SCOC: variants seen among roughly 807,000 people sequenced by gnomAD.
SCOC encodes short coiled coil protein.
SCOC carries 7 observed loss-of-function variants against 9.9 expected under a neutral mutation model. The observed-to-expected ratio is 0.71, with a 90% CI of 0.40 to 1.33. The LOEUF (loss-of-function observed/expected upper bound fraction) is 1.33. Among genes scored for constraint, SCOC ranks in the 40% most tolerant of loss-of-function variants. SCOC has a pLI of 0.01. For missense variants in SCOC, 66 were observed against 89.7 expected (o/e 0.74, Z 1.07); for synonymous variants, 19 against 28.2 (o/e 0.67, Z 1.03).
intron 3 of SCOC, among the ~76,000 whole-genome samples, chr4:140,380,323 G>A (rs184289174): frequency 1.4e-3 from 207 of 148,070 alleles, no homozygotes; most frequent in African/African-American, 4.8e-3. Context: ...TCAGCCTCCC[G>A]AGTAGCTGGG....
intron 2 of SCOC, among the ~76,000 whole-genome samples, chr4:140,368,488 A>C (rs972805349): frequency 6.6e-6 from 1 of 152,212 alleles, no homozygotes; most frequent in Non-Finnish European, 1.5e-5. Context: ...ATCTAGAGAA[A>C]AATAAGGACT....
chr4:140,268,532 T>C (rs182031540), intron 1 of SCOC, among the ~76,000 whole-genome samples: 1 of 152,344 alleles, frequency 6.6e-6, no homozygotes, highest in Admixed American at 6.5e-5. Context: ...ACGAGCTGCA[T>C]GTTTAAATGA....
At chr4:140,337,345 T>C (rs1732986276) in intron 1 of SCOC, among the ~76,000 whole-genome samples, 1 of 152,128 alleles carries the variant, frequency 6.6e-6, no homozygotes, top group Non-Finnish European at 1.5e-5. Flanking sequence ...CATAAGGAAC[T>C]GCAAGGGACT....
rs901646676 is a variant in SCOC, at chr4:140,355,226, T to G, written c.70+11518T>G. 1.9e-4 allele frequency among the ~76,000 whole-genome samples: 23 copies of G among 122,120 alleles called. 1 individual carries two copies. Among genetic ancestry groups the G allele is most frequent in the Admixed American group, 1.4e-3 (18 of 12,458 alleles). 80.1% of individuals were successfully genotyped at this position (122,120 alleles called of 152,430 possible). Reference sequence around the variant, plus strand: ...CATTATATTTTTATATATATATATATATATATATATATATATATATATAAT... The same window carrying G: ...CATTATATTTTTATATATATATATAGATATATATATATATATATATATAAT... On this transcript the variant is annotated intron_variant, in intron 2 of 4. Coordinates refer to the SCOC transcript ENST00000338517.
intron 1 of SCOC, among the ~76,000 whole-genome samples, chr4:140,258,844 T>C (rs1730568042): frequency 6.6e-6 from 1 of 152,242 alleles, no homozygotes; most frequent in Non-Finnish European, 1.5e-5. Flanking sequence ...CTTATCATGG[T>C]TCTCCCACCA....
intron 2 of SCOC, chr4:140,366,256 G>A (rs1413259538): frequency 1.5e-6 from 2 of 1,306,956 alleles, no homozygotes; most frequent in Non-Finnish European, 2.0e-6. Context: ...AACGCTTTTG[G>A]AGCAGGTGCT....
chr4:140,298,636 T>G (rs1320840404), intron 1 of SCOC, among the ~76,000 whole-genome samples: 3 of 152,204 alleles, frequency 2.0e-5, no homozygotes, highest in African/African-American at 7.2e-5. Flanking sequence ...CTGAGTTCTT[T>G]CTTCCAGCTC....
intron 1 of SCOC, among the ~76,000 whole-genome samples, chr4:140,265,266 G>T (rs1730708912): frequency 1.3e-5 from 2 of 152,180 alleles, no homozygotes; most frequent in Non-Finnish European, 2.9e-5. Flanking sequence ...GTCGGTCCCT[G>T]AGTCAAGGAA....
chr4:140,335,605 G>A (rs1297381558), intron 1 of SCOC, among the ~76,000 whole-genome samples: 1 of 152,158 alleles, frequency 6.6e-6, no homozygotes, highest in African/African-American at 2.4e-5. Flanking sequence ...CTTTAGAGAT[G>A]CCAGTTTCTC....
chr4:140,327,884 T>C (rs933973720), intron 1 of SCOC, among the ~76,000 whole-genome samples: 6 of 152,174 alleles, frequency 3.9e-5, no homozygotes, highest in African/African-American at 1.4e-4. Flanking sequence ...GGCATGTTTT[T>C]TTTTTCTGTA....
intron 1 of SCOC, chr4:140,283,801 G>T (rs1181306245): frequency 2.0e-5 from 3 of 152,152 alleles, no homozygotes; most frequent in African/African-American, 7.2e-5. Context: ...AAGATTAAAT[G>T]CTGATAAAAA....
At chr4:140,362,275 T>TTAC in intron 2 of SCOC, among the ~76,000 whole-genome samples, 1 of 10,704 alleles carries the variant, frequency 9.3e-5, no homozygotes, top group African/African-American at 2.9e-4. Context: ...AGGTGTGTCC[T>TTAC]TACTTCTTCT....
intron 1 of SCOC, among the ~76,000 whole-genome samples, chr4:140,301,176 A>T (rs909818860): frequency 6.6e-6 from 1 of 152,064 alleles, no homozygotes; most frequent in African/African-American, 2.4e-5. Flanking sequence ...AAGTCCTAGG[A>T]TGGCAGGATG....
chr4:140,332,925 T>C (rs1304783552), intron 1 of SCOC, among the ~76,000 whole-genome samples: 1 of 152,116 alleles, frequency 6.6e-6, no homozygotes, highest in East Asian at 1.9e-4. Context: ...GTCAGAGTCA[T>C]CCTGCTATAA....
upstream of SCOC, among the ~76,000 whole-genome samples, chr4:140,372,822 G>C (rs1325310402): frequency 6.6e-6 from 1 of 152,270 alleles, no homozygotes; most frequent in South Asian, 2.1e-4. Flanking sequence ...GAATATTAAA[G>C]CAGGATGCCG....
At chr4:140,291,403 T>C in intron 1 of SCOC, 1 of 456,842 alleles carries the variant, frequency 2.2e-6, no homozygotes, top group Admixed American at 2.3e-5. Context: ...CTGCAGGGCA[T>C]GTGTCTTCCC....
intron 2 of SCOC, chr4:140,366,589 C>T (rs1727808060): frequency 3.1e-6 from 5 of 1,605,104 alleles, no homozygotes; most frequent in South Asian, 1.1e-5. Flanking sequence ...CTTCTTGGCC[C>T]ATCGTGTGGC....
At chr4:140,352,360 C>A (rs1727018566) in intron 2 of SCOC, among the ~76,000 whole-genome samples, 1 of 152,048 alleles carries the variant, frequency 6.6e-6, no homozygotes, top group African/African-American at 2.4e-5. Flanking sequence ...ATGCCATTGG[C>A]AGAGTAAAAT....
chr4:140,358,373 G>A (rs1465357095), intron 2 of SCOC, among the ~76,000 whole-genome samples: 1 of 152,170 alleles, frequency 6.6e-6, no homozygotes, highest in Non-Finnish European at 1.5e-5. Flanking sequence ...CATTTATGGA[G>A]TATTTTTCTT....
Sources: allele counts gnomAD v4.1 joint callset (sites outside exome capture counted in the v4.1 genomes callset), GRCh38; gene constraint gnomAD v4.1.1; transcripts MANE v1.5; gene names NCBI Gene and HGNC (gene_info 2026-07-23, HGNC 2026-07-21).